The following CSMD1 variants were observed in gnomAD, a reference collection of about 807,000 sequenced individuals.
CSMD1 encodes CUB and Sushi multiple domains 1, also known as CUB and sushi domain-containing protein 1.
A neutral mutation model predicts 417.5 loss-of-function variants in CSMD1; 213 were observed. That is an observed-to-expected ratio of 0.51 (90% confidence interval 0.46 to 0.57). CSMD1 has a LOEUF of 0.57. CSMD1 is among the 20% of genes least tolerant of loss of function. CSMD1 has a pLI of 0.00. For missense variants in CSMD1, 6,923 were observed against 4,529.7 expected, an observed-to-expected ratio of 1.53 and a Z score of -15.17; for synonymous variants, 2,862 against 1,736.8, an observed-to-expected ratio of 1.65 and a Z score of -16.11.
intron 26 of CSMD1, among the ~76,000 whole-genome samples, chr8:3,283,653 C>T (rs1355942628): frequency 1.3e-5 from 2 of 152,134 alleles, no homozygotes; most frequent in East Asian, 1.9e-4. Context: ...CTCTGGCCTT[C>T]CTTGGAAGCA....
intron 5 of CSMD1, among the ~76,000 whole-genome samples, chr8:3,832,707 G>C (rs534509687): frequency 6.6e-6 from 1 of 152,074 alleles, no homozygotes; most frequent in East Asian, 1.9e-4. Context: ...ATTTCAGAAC[G>C]AAACAAAAAT....
At chr8:4,196,098 C>T (rs1799324942) in intron 3 of CSMD1, among the ~76,000 whole-genome samples, 1 of 152,110 alleles carries the variant, frequency 6.6e-6, no homozygotes, top group Admixed American at 6.5e-5. Context: ...GTAGTCCCAG[C>T]TGCTGGGGAG....
chr8:3,763,531 T>C (rs1798120383), intron 5 of CSMD1, among the ~76,000 whole-genome samples: 1 of 152,166 alleles, frequency 6.6e-6, no homozygotes, highest in South Asian at 2.1e-4. Context: ...TGAATAAAAA[T>C]TTCTTCAGGC....
intron 2 of CSMD1, among the ~76,000 whole-genome samples, chr8:4,633,188 T>A (rs573928439): frequency 2.0e-5 from 2 of 100,046 alleles, no homozygotes; most frequent in Non-Finnish European, 2.3e-5. Flanking sequence ...TAGGAACATT[T>A]ACTATTAGGA....
intron 2 of CSMD1, among the ~76,000 whole-genome samples, chr8:4,565,753 T>C (rs1203822878): frequency 2.1e-3 from 4 of 1,936 alleles, no homozygotes; most frequent in Admixed American, 6.5e-3. Flanking sequence ...TATATACATA[T>C]ATATATATAT....
At chr8:3,711,006 C>G (rs541608190) in intron 6 of CSMD1, among the ~76,000 whole-genome samples, 177 of 152,228 alleles carry the variant, frequency 1.2e-3, no homozygotes, top group African/African-American at 3.7e-3. Context: ...CTTGGACTTC[C>G]CAGTATCAAG....
intron 30 of CSMD1, among the ~76,000 whole-genome samples, chr8:3,212,155 C>A (rs1359426478): frequency 6.6e-6 from 1 of 152,304 alleles, no homozygotes; most frequent in East Asian, 1.9e-4. Context: ...CACCCATGAG[C>A]ACGCTGAGTT....
chr8:3,396,451 C>A (rs1349166701), intron 16 of CSMD1, 70 bp from the exon 17 acceptor site: 11 of 1,117,472 alleles, frequency 9.8e-6, no homozygotes, highest in Non-Finnish European at 1.3e-5. Flanking sequence ...TCCTGACATC[C>A]TCATTCCTTA....
intron 1 of CSMD1, among the ~76,000 whole-genome samples, chr8:4,687,513 C>A (rs1177081672): frequency 1.3e-5 from 2 of 152,288 alleles, no homozygotes; most frequent in East Asian, 1.9e-4. Flanking sequence ...AAGACACGAT[C>A]TCTGGGAAGG....
chr8:4,856,340 G>C (rs1293684568), intron 1 of CSMD1, among the ~76,000 whole-genome samples: 1 of 144,856 alleles, frequency 6.9e-6, no homozygotes, highest in Non-Finnish European at 1.5e-5. Flanking sequence ...ATCGAGACTA[G>C]GAAGAAACTG....
chr8:4,014,602 T>C (rs552948258), intron 4 of CSMD1, among the ~76,000 whole-genome samples: 3 of 152,284 alleles, frequency 2.0e-5, no homozygotes, highest in South Asian at 4.1e-4. Flanking sequence ...TCCTGTGAGA[T>C]TAAAAGTAAT....
intron 3 of CSMD1, among the ~76,000 whole-genome samples, chr8:4,285,678 G>C (rs796657247): frequency 6.6e-6 from 1 of 152,168 alleles, no homozygotes; most frequent in African/African-American, 2.4e-5. Context: ...CAGTGGTGTA[G>C]GAAGAATGGA....
intron 7 of CSMD1, among the ~76,000 whole-genome samples, chr8:3,706,788 A>T (rs1315889809): frequency 1.3e-5 from 2 of 152,274 alleles, no homozygotes; most frequent in East Asian, 3.9e-4. Flanking sequence ...TGTAAATACT[A>T]TATCTCCCTC....
chr8:4,544,564 A>G (rs1242771095), intron 2 of CSMD1, among the ~76,000 whole-genome samples: 1 of 152,170 alleles, frequency 6.6e-6, no homozygotes, highest in Admixed American at 6.5e-5. Context: ...AGGACACAGA[A>G]GGAAAAATTT....
At chr8:3,116,063 C>T (rs774827656) in intron 42 of CSMD1, among the ~76,000 whole-genome samples, 30 of 152,118 alleles carry the variant, frequency 2.0e-4, no homozygotes, top group Admixed American at 3.3e-4. Flanking sequence ...AACTAATAGG[C>T]GTTTGAACAG....
chr8:3,264,593 T>C (rs1483017249), intron 26 of CSMD1, among the ~76,000 whole-genome samples: 1 of 152,184 alleles, frequency 6.6e-6, no homozygotes, highest in African/African-American at 2.4e-5. Flanking sequence ...TTAACAATCA[T>C]TTATATTTGC....
At chr8:3,888,954 T>C (rs1054342376) in intron 5 of CSMD1, among the ~76,000 whole-genome samples, 7 of 152,202 alleles carry the variant, frequency 4.6e-5, no homozygotes, top group African/African-American at 7.2e-5. Flanking sequence ...ATTTTATTAA[T>C]TGTATTATAT....
At chr8:3,668,495 G>A (rs760782365) in intron 7 of CSMD1, among the ~76,000 whole-genome samples, 4 of 152,148 alleles carry the variant, frequency 2.6e-5, no homozygotes, top group South Asian at 2.1e-4. Context: ...CAAGGAGAAC[G>A]GAGAGAGTTT....
chr8:4,389,440 A>G (rs770866044), intron 3 of CSMD1, among the ~76,000 whole-genome samples: 1 of 152,218 alleles, frequency 6.6e-6, no homozygotes, highest in Non-Finnish European at 1.5e-5. Flanking sequence ...TAAACAAAAC[A>G]AAGAAACAAA....
Sources: gnomAD v4.1 joint callset for allele counts (sites outside exome capture counted in the v4.1 genomes callset) on GRCh38, gnomAD v4.1.1 for gene constraint, MANE v1.5 for transcripts, NCBI Gene and HGNC (gene_info 2026-07-23, HGNC 2026-07-21) for gene names.